The following NHSL2 variants were observed in gnomAD, a reference collection of about 807,000 sequenced individuals.
NHSL2 encodes NHS-like protein 2.
Under a neutral mutation model 53.4 loss-of-function variants are expected in NHSL2, and 27 were observed. The ratio of observed to expected loss-of-function variants is 0.51; its 90% CI spans 0.37 to 0.70. The LOEUF (loss-of-function observed/expected upper bound fraction) is 0.70. NHSL2 is among the 30% of genes least tolerant of loss of function. The pLI is 0.00. For missense variants in NHSL2, 892 were observed against 980.1 expected (o/e 0.91, Z 1.20); for synonymous variants, 408 against 404.1 (o/e 1.01, Z -0.12).
At chrX:71,935,741 GA>G (rs1250856632) in intron 1 of NHSL2, among the ~76,000 whole-genome samples, 1 of 112,425 alleles carries the variant, frequency 8.9e-6, no homozygotes, top group Non-Finnish European at 1.9e-5. Flanking sequence ...GTGTGCTTGA[GA>G]GGGGAAGTGG....
At chrX:72,080,213 A>T (rs1333419703) in intron 1 of NHSL2, 2 of 111,851 alleles carry the variant, frequency 1.8e-5, no homozygotes, top group Non-Finnish European at 3.8e-5. Context: ...TTGGTTATCC[A>T]CACCGCTGGG....
intron 1 of NHSL2, among the ~76,000 whole-genome samples, chrX:72,098,869 A>G (rs1316065279): frequency 8.9e-6 from 1 of 112,003 alleles, no homozygotes; most frequent in Non-Finnish European, 1.9e-5. Context: ...AATCATCTAG[A>G]ATAACAGTTA....
chrX:71,999,821 T>G (rs2042065043), intron 1 of NHSL2, among the ~76,000 whole-genome samples: 1 of 112,165 alleles, frequency 8.9e-6, no homozygotes, highest in Admixed American at 9.5e-5. Flanking sequence ...GTTCCAATAC[T>G]TCTTGGTTGT....
intron 1 of NHSL2, among the ~76,000 whole-genome samples, chrX:71,915,374 C>T (rs765417042): frequency 7.2e-4 from 80 of 111,250 alleles, no homozygotes; most frequent in Admixed American, 1.8e-3. Flanking sequence ...CAGTCATTAA[C>T]CACCATATGT....
chrX:72,072,491 C>T (rs1310979129), intron 1 of NHSL2, among the ~76,000 whole-genome samples: 1 of 111,869 alleles, frequency 8.9e-6, no homozygotes, highest in Admixed American at 9.4e-5. Context: ...TCATTTCTCA[C>T]CTTGAACTTG....
At chrX:71,923,822 G>A (rs2041671646) in intron 1 of NHSL2, among the ~76,000 whole-genome samples, 1 of 112,116 alleles carries the variant, frequency 8.9e-6, no homozygotes, top group African/African-American at 3.2e-5. Flanking sequence ...CTGGTTAATT[G>A]TGGTGGCTCA....
At chrX:72,014,977 G>C (rs927867834) in intron 1 of NHSL2, among the ~76,000 whole-genome samples, 1 of 110,689 alleles carries the variant, frequency 9.0e-6, no homozygotes, top group African/African-American at 3.3e-5. Context: ...TGGTGGGGTT[G>C]GGAACGGGAC....
At chrX:72,019,199 G>C (rs2042148878) in intron 1 of NHSL2, among the ~76,000 whole-genome samples, 1 of 112,519 alleles carries the variant, frequency 8.9e-6, no homozygotes, top group Admixed American at 9.3e-5. Flanking sequence ...GTCTGCAGTG[G>C]AGCGCAGGAG....
intron 1 of NHSL2, among the ~76,000 whole-genome samples, chrX:72,105,668 A>C (rs2042031922): frequency 9.0e-6 from 1 of 111,585 alleles, no homozygotes; most frequent in Non-Finnish European, 1.9e-5. Context: ...CATCTCAAAG[A>C]GGGATGTCAC....
intron 1 of NHSL2, among the ~76,000 whole-genome samples, chrX:72,108,284 C>A (rs779503227): frequency 8.9e-6 from 1 of 112,438 alleles, no homozygotes; most frequent in East Asian, 2.8e-4. Context: ...CATTAACTCA[C>A]CCCAGCCTCA....
chrX:71,988,785 C>T (rs1284660238), intron 1 of NHSL2, among the ~76,000 whole-genome samples: 4 of 111,038 alleles, frequency 3.6e-5, no homozygotes, highest in African/African-American at 6.6e-5. Flanking sequence ...TTGGATCTCG[C>T]GCAAGAAAGA....
chrX:72,076,893 T>TG (rs1041786225), intron 1 of NHSL2, among the ~76,000 whole-genome samples: 14 of 111,475 alleles, frequency 1.3e-4, no homozygotes, highest in African/African-American at 3.6e-4. Context: ...CAGAGGGGTG[T>TG]GGGGGTCCCA....
chrX:71,946,667 T>C (rs977562613), intron 1 of NHSL2, among the ~76,000 whole-genome samples: 1 of 112,155 alleles, frequency 8.9e-6, no homozygotes, highest in Admixed American at 9.4e-5. Flanking sequence ...TCAGATAGTC[T>C]TTACAACTTA....
chrX:72,121,515 C>T (rs2042181007), intron 1 of NHSL2, among the ~76,000 whole-genome samples: 1 of 111,834 alleles, frequency 8.9e-6, no homozygotes, highest in Non-Finnish European at 1.9e-5. Context: ...AAACTCAAAC[C>T]AAGTGTGACC....
intron 1 of NHSL2, among the ~76,000 whole-genome samples, chrX:72,057,253 A>G (rs1216915498): frequency 8.9e-6 from 1 of 112,118 alleles, no homozygotes; most frequent in Non-Finnish European, 1.9e-5. Context: ...CAAGGTCCTT[A>G]AATTTTTTTA....
intron 1 of NHSL2, among the ~76,000 whole-genome samples, chrX:71,990,298 T>G (rs918957664): frequency 2.7e-5 from 3 of 111,356 alleles, no homozygotes; most frequent in African/African-American, 9.8e-5. Flanking sequence ...AAGGAGAGGC[T>G]AATAACATAA....
intron 1 of NHSL2, among the ~76,000 whole-genome samples, chrX:72,055,207 C>G (rs925171334): frequency 1.4e-4 from 16 of 112,082 alleles, no homozygotes; most frequent in Admixed American, 1.4e-3. Flanking sequence ...AAAGTCCCTG[C>G]GCATCTAAAC....
At chrX:72,112,065 C>T (rs1200542031) in intron 1 of NHSL2, among the ~76,000 whole-genome samples, 1 of 110,068 alleles carries the variant, frequency 9.1e-6, no homozygotes, top group Non-Finnish European at 1.9e-5. Context: ...GGAAGCAAGC[C>T]ATGTGAAAAT....
At chrX:71,968,873 G>A (rs756309006) in intron 1 of NHSL2, among the ~76,000 whole-genome samples, 5 of 112,200 alleles carry the variant, frequency 4.5e-5, no homozygotes, top group Admixed American at 9.5e-5. Flanking sequence ...TGCTTATTCA[G>A]TTGATCTAAA....
Sources: allele counts gnomAD v4.1 joint callset (sites outside exome capture counted in the v4.1 genomes callset), GRCh38; gene constraint gnomAD v4.1.1; transcripts MANE v1.5; gene names NCBI Gene and HGNC (gene_info 2026-07-23, HGNC 2026-07-21).